The following TOP1 variants were observed in gnomAD, a reference collection of about 807,000 sequenced individuals.
TOP1 encodes the protein DNA topoisomerase 1.
In TOP1, 10 loss-of-function variants were observed where a neutral mutation model predicts 111.1. That is an observed-to-expected ratio of 0.09 (90% CI 0.06 to 0.15). TOP1 has a LOEUF of 0.15. Among genes scored for constraint, TOP1 ranks in the 10% least tolerant of loss-of-function variants. The pLI is 1.00. For synonymous variants in TOP1, 271 were observed against 302.9 expected, an observed-to-expected ratio of 0.89 and a Z score of 1.10; for missense variants, 474 against 926.7, an observed-to-expected ratio of 0.51 and a Z score of 6.34.
intron 2 of TOP1, among the ~76,000 whole-genome samples, chr20:41,043,264 G>C (rs1000712819): frequency 2.0e-5 from 3 of 152,218 alleles, no homozygotes; most frequent in Non-Finnish European, 2.9e-5. Context: ...CAATAGAATA[G>C]AGCAAGATAC....
Position 41,115,071 on chromosome 20 carries a change from C to T in TOP1, c.1639-300C>T, listed in dbSNP as rs2034307118. Among the ~76,000 whole-genome samples the T allele has an allele frequency of 6.6e-6, 1 of 151,998 alleles. No individual in the cohort carries two copies. The highest frequency in any genetic ancestry group is 1.5e-5 in the Non-Finnish European group (1 of 68,022). ...AAGTACTTATAAATGTACTTTAGGA[C>T]CATATTATAAGTAAGTACTTATAAA... On this transcript the variant is annotated intron_variant, in intron 15 of 20. Transcript: ENST00000361337. The surrounding 1 kb of genome is among the most constrained non-coding windows in gnomAD (Gnocchi z 6.3).
At chr20:41,088,943 A>AC (rs2033881471) in intron 8 of TOP1, among the ~76,000 whole-genome samples, 1 of 151,430 alleles carries the variant, frequency 6.6e-6, no homozygotes, top group Admixed American at 6.6e-5. Context: ...CACCATCACC[A>AC]TCTCCAGAAC....
Position 41,080,195 on chromosome 20 carries a change from A to G in TOP1, c.431+15A>G. On this transcript the variant is annotated intron_variant, in intron 6 of 20. Transcript: ENST00000361337. This position sits in a 1 kb window ranked among gnomAD's most constrained non-coding sequence, Gnocchi z 5.0. Reference sequence around the variant, plus strand: ...GATGAGGATGAGTGAGTATTTTCTTAAAACTTTGACTTTTGAAAACAAAAA... The same window carrying G: ...GATGAGGATGAGTGAGTATTTTCTTGAAACTTTGACTTTTGAAAACAAAAA... 1 of 1,509,162 alleles carries G rather than the reference A, an allele frequency of 6.6e-7. No homozygotes were observed. The highest frequency in any genetic ancestry group is 9.1e-7 in the Non-Finnish European group (1 of 1,101,184). The allele number at this position is 1,509,162 out of a possible 1,614,324, so 93.5% of individuals were successfully genotyped here.
chr20:41,073,152 A>G (rs1409964982), intron 3 of TOP1: 1 of 985,288 alleles, frequency 1.0e-6, no homozygotes, highest in Admixed American at 6.1e-5. Flanking sequence ...AATGTACAGC[A>G]AAGCTGAAAA....
At chr20:41,096,352 G>C (rs1018725479) in intron 9 of TOP1, among the ~76,000 whole-genome samples, 1 of 152,202 alleles carries the variant, frequency 6.6e-6, no homozygotes, top group Non-Finnish European at 1.5e-5. Context: ...ACAGGCATGA[G>C]CCACTGCTCC....
At chr20:41,033,182 C>T (rs748182393) in intron 2 of TOP1, among the ~76,000 whole-genome samples, 47 of 152,072 alleles carry the variant, frequency 3.1e-4, no homozygotes, top group Admixed American at 5.2e-4. Flanking sequence ...ATCCAGGCAT[C>T]ACTAAAAGAA....
chr20:41,116,424 C>A lies in TOP1; in HGVS notation c.1822+32C>A. The A allele has an allele frequency of 6.6e-7, 1 of 1,524,720 alleles. No homozygotes were observed. The highest frequency in any genetic ancestry group is 9.1e-7 in the Non-Finnish European group (1 of 1,098,720). 94.4% of individuals were successfully genotyped at this position (1,524,720 alleles called of 1,614,324 possible). ...ATTGCTTGGCCAGATAGGGCCCACA[C>A]CCCTACTAATGGTATCCGGTGACCT... On this transcript the variant is annotated intron_variant, in intron 17 of 20. Coordinates refer to ENST00000361337, the MANE Select transcript of TOP1 (RefSeq NM_003286.4). The surrounding 1 kb of genome is among the most constrained non-coding windows in gnomAD (Gnocchi z 5.6).
At chr20:41,065,542 C>A (rs191632281) in intron 3 of TOP1, among the ~76,000 whole-genome samples, 1 of 152,158 alleles carries the variant, frequency 6.6e-6, no homozygotes, top group Non-Finnish European at 1.5e-5. Flanking sequence ...AATAACTTTT[C>A]ATTCTGTTCC....
chr20:41,063,510 T>C (rs2033571193), intron 3 of TOP1, among the ~76,000 whole-genome samples: 1 of 152,202 alleles, frequency 6.6e-6, no homozygotes, highest in African/African-American at 2.4e-5. Context: ...CTTTGAGAAA[T>C]CTCCAAACTG....
chr20:41,101,130 A>C lies in TOP1; in HGVS notation c.1164-79A>C. On this transcript the variant is annotated intron_variant, in intron 12 of 20. Coordinates refer to ENST00000361337, the MANE Select transcript of TOP1 (RefSeq NM_003286.4). This position sits in a 1 kb window ranked among gnomAD's most constrained non-coding sequence, Gnocchi z 4.1. ...AAACTTGGAAAATTATGCTCAGCAG[A>C]TAGGTCCACTTGGGGTCATGAAAGG... The C allele has an allele frequency of 6.7e-7, 1 of 1,496,434 alleles. No homozygotes were observed. The highest frequency in any genetic ancestry group is 9.2e-7 in the Non-Finnish European group (1 of 1,081,818). The allele number at this position is 1,496,434 out of a possible 1,614,324, so 92.7% of individuals were successfully genotyped here. A position where few individuals can be genotyped will look rare whatever the true frequency, so the allele number is the denominator to read the frequency against.
intron 3 of TOP1, among the ~76,000 whole-genome samples, chr20:41,074,826 A>G (rs2033707395): frequency 6.6e-6 from 1 of 152,232 alleles, no homozygotes; most frequent in African/African-American, 2.4e-5. Flanking sequence ...TAGTGCAGTA[A>G]GCAAGGCTCC....
At chr20:41,096,600 G>A (rs2033986278) in intron 9 of TOP1, among the ~76,000 whole-genome samples, 1 of 152,200 alleles carries the variant, frequency 6.6e-6, no homozygotes, top group African/African-American at 2.4e-5. Context: ...ACTCCCACAT[G>A]ATGCCAATGC....
Position 41,032,520 on chromosome 20 carries a change from C to A in TOP1, c.58+3065C>A, listed in dbSNP as rs949450237. Among the ~76,000 whole-genome samples, 4 of 152,106 alleles carry A rather than the reference C, an allele frequency of 2.6e-5. No homozygotes were observed. The highest frequency in any genetic ancestry group is 2.4e-5 in the African/African-American group (1 of 41,412). On this transcript the variant is annotated intron_variant, in intron 2 of 20. Coordinates refer to ENST00000361337, the MANE Select transcript of TOP1 (RefSeq NM_003286.4). The surrounding 1 kb of genome is among the most constrained non-coding windows in gnomAD (Gnocchi z 4.3). ...ATCTGTAGAATTGATAATGGTAATA[C>A]CAGGTTAAAGTGTTAGCGATTCTTC...
intron 3 of TOP1, among the ~76,000 whole-genome samples, chr20:41,074,783 T>G (rs954539186): frequency 6.6e-6 from 1 of 152,234 alleles, no homozygotes; most frequent in African/African-American, 2.4e-5. Context: ...ATGAGCTCAT[T>G]GCTGATGAAG....
rs555567719 is a variant in TOP1 at position 41,103,757 on chromosome 20, T to C, written c.1308+2404T>C. 7.2e-5 allele frequency among the ~76,000 whole-genome samples: 11 copies of C among 152,318 alleles called. No homozygotes were observed. The South Asian group carries it at 8.3e-4, about 11-fold the overall frequency. On this transcript the variant is annotated intron_variant, in intron 13 of 20. Transcript: ENST00000361337. ...GAACGACCAAGCTCTTGCTCACCTC[T>C]GGGATTTCAAAAGGCTACTTTATTT...
chr20:41,116,457 C>A lies in TOP1; in HGVS notation c.1822+65C>A. On this transcript the variant is annotated intron_variant, in intron 17 of 20. Coordinates refer to ENST00000361337, the MANE Select transcript of TOP1 (RefSeq NM_003286.4). The surrounding 1 kb of genome is among the most constrained non-coding windows in gnomAD (Gnocchi z 5.6). Reference sequence around the variant, plus strand: ...AATGGTATCCGGTGACCTTGCTTATCTAAGGCCTAGAGTCAGTTCTACTTT... The same window carrying A: ...AATGGTATCCGGTGACCTTGCTTATATAAGGCCTAGAGTCAGTTCTACTTT... 1 of 1,303,896 alleles carries A rather than the reference C, an allele frequency of 7.7e-7. No individual in the cohort carries two copies. The highest frequency in any genetic ancestry group is 1.1e-6 in the Non-Finnish European group (1 of 903,980). 80.8% of individuals were successfully genotyped at this position (1,303,896 alleles called of 1,614,324 possible).
intron 8 of TOP1, among the ~76,000 whole-genome samples, chr20:41,089,719 T>A (rs765699968): frequency 2.0e-5 from 3 of 152,210 alleles, no homozygotes; most frequent in Non-Finnish European, 4.4e-5. Context: ...TGCCATACTA[T>A]CTTTTCCACA....
chr20:41,085,814 G>A (rs1197013928), intron 8 of TOP1, among the ~76,000 whole-genome samples: 2 of 152,220 alleles, frequency 1.3e-5, no homozygotes, highest in Non-Finnish European at 2.9e-5. Context: ...CCAGGAAGGT[G>A]GCAGAGGGAA....
chr20:41,108,455 T>C (rs183176282), intron 13 of TOP1, among the ~76,000 whole-genome samples: 92 of 152,300 alleles, frequency 6.0e-4, no homozygotes, highest in Middle Eastern at 6.8e-3. Flanking sequence ...TCTGGAAACT[T>C]GGATTGGCCT....
Sources: gnomAD v4.1 joint callset for allele counts (sites outside exome capture counted in the v4.1 genomes callset) on GRCh38, gnomAD v4.1.1 for gene constraint, Gnocchi (gnomAD v3.1) non-coding constraint, MANE v1.5 for transcripts, NCBI Gene and HGNC (gene_info 2026-07-23, HGNC 2026-07-21) for gene names.